Variants in DLGAP2 observed in about 807,000 individuals in gnomAD.
DLGAP2 encodes disks large-associated protein 2.
A neutral mutation model predicts 100.3 loss-of-function variants in DLGAP2; 26 were observed. That is an observed-to-expected ratio of 0.26 (90% CI 0.19 to 0.36). The LOEUF (loss-of-function observed/expected upper bound fraction) is 0.36, where lower values mean the gene tolerates loss of function less well. DLGAP2 is among the 10% of genes least tolerant of loss of function. DLGAP2 has a pLI of 1.00. For synonymous variants in DLGAP2, 886 were observed against 630.1 expected (o/e 1.41, Z -6.08); for missense variants, 1,858 against 1,453.2 (o/e 1.28, Z -4.53).
chr8:1,672,131 G>T (rs936416194), intron 10 of DLGAP2, among the ~76,000 whole-genome samples: 1 of 152,200 alleles, frequency 6.6e-6, no homozygotes, highest in East Asian at 1.9e-4. Flanking sequence ...AGGGACGGAG[G>T]CCTGGTCTAA....
chr8:964,663 C>T (rs1799803630), intron 2 of DLGAP2, among the ~76,000 whole-genome samples: 1 of 152,236 alleles, frequency 6.6e-6, no homozygotes, highest in South Asian at 2.1e-4. Context: ...AAGGCCTGGT[C>T]CTTCTTCAGG....
chr8:808,235 G>C (rs559842489), intron 1 of DLGAP2, among the ~76,000 whole-genome samples: 1 of 152,176 alleles, frequency 6.6e-6, no homozygotes, highest in Non-Finnish European at 1.5e-5. Flanking sequence ...TCAGTGATAC[G>C]TGTTGACGAT....
intron 1 of DLGAP2, among the ~76,000 whole-genome samples, chr8:784,120 T>C (rs1821775743): frequency 6.6e-6 from 1 of 152,246 alleles, no homozygotes; most frequent in Admixed American, 6.5e-5. Context: ...AAAAGTAATA[T>C]TTATCCATGA....
intron 3 of DLGAP2, among the ~76,000 whole-genome samples, chr8:1,335,067 A>C (rs1442527485): frequency 6.6e-6 from 1 of 152,238 alleles, no homozygotes; most frequent in African/African-American, 2.4e-5. Context: ...AGGGCAAACC[A>C]TAGTTCTAGG....
At chr8:1,623,937 A>G (rs1224407444) in intron 6 of DLGAP2, among the ~76,000 whole-genome samples, 2 of 152,236 alleles carry the variant, frequency 1.3e-5, no homozygotes, top group Non-Finnish European at 2.9e-5. Flanking sequence ...AAATAAAGAG[A>G]ATCATTGAGA....
At chr8:1,193,785 C>T (rs778772313) in intron 2 of DLGAP2, among the ~76,000 whole-genome samples, 9 of 152,070 alleles carry the variant, frequency 5.9e-5, no homozygotes, top group Admixed American at 2.6e-4. Flanking sequence ...CTAGAGCCTC[C>T]GCACCATGCC....
intron 1 of DLGAP2, among the ~76,000 whole-genome samples, chr8:843,572 A>T (rs772328806): frequency 6.6e-6 from 1 of 152,188 alleles, no homozygotes; most frequent in African/African-American, 2.4e-5. Flanking sequence ...GTCCTTGGAC[A>T]CGGACGCCAC....
At chr8:1,430,008 A>ATG in intron 3 of DLGAP2, among the ~76,000 whole-genome samples, 1 of 61,394 alleles carries the variant, frequency 1.6e-5, no homozygotes, top group African/African-American at 1.1e-4. Context: ...ATATATATAC[A>ATG]TATATATATA....
chr8:951,795 C>A (rs1799486370), intron 2 of DLGAP2, among the ~76,000 whole-genome samples: 1 of 152,324 alleles, frequency 6.6e-6, no homozygotes, highest in East Asian at 1.9e-4. Context: ...AGGAGAGTAA[C>A]TAATGACCTT....
rs547194358 is a variant in DLGAP2, at chr8:1,143,684, C to T, written c.74-115167C>T. ...CACCCACGCTCCCCACTATTTGGCCCACGGATGCTACACGCTGGCCACCCT... is the reference window on the plus strand; with the variant it reads ...CACCCACGCTCCCCACTATTTGGCCTACGGATGCTACACGCTGGCCACCCT... On this transcript the variant is annotated intron_variant, in intron 2 of 14. Coordinates refer to ENST00000637795, the MANE Select transcript of DLGAP2 (RefSeq NM_001346810.2). 3.9e-5 allele frequency among the ~76,000 whole-genome samples: 6 copies of T among 152,304 alleles called. No individual in the cohort carries two copies. The South Asian group carries it at 1.2e-3, about 32-fold the overall frequency.
chr8:811,411 G>T (rs976485070), intron 1 of DLGAP2, among the ~76,000 whole-genome samples: 3 of 143,356 alleles, frequency 2.1e-5, no homozygotes, highest in African/African-American at 5.2e-5. Context: ...GGCTCCTGCC[G>T]TGGTGAGAGG....
At chr8:1,185,714 C>T (rs1025993790) in intron 2 of DLGAP2, among the ~76,000 whole-genome samples, 1 of 87,172 alleles carries the variant, frequency 1.1e-5, no homozygotes, top group Non-Finnish European at 2.1e-5. Context: ...CACACTCACA[C>T]ACACACACAC....
chr8:1,417,519 C>T (rs927683599), intron 3 of DLGAP2, among the ~76,000 whole-genome samples: 28 of 152,134 alleles, frequency 1.8e-4, no homozygotes, highest in Middle Eastern at 3.2e-3. Context: ...AGGCATAGTA[C>T]ATAGCACAGG....
At chr8:1,512,517 A>G (rs1800201840) in intron 4 of DLGAP2, among the ~76,000 whole-genome samples, 1 of 151,782 alleles carries the variant, frequency 6.6e-6, no homozygotes, top group Admixed American at 6.6e-5. Flanking sequence ...AGCCCAGAAG[A>G]CCCTCGGGTT....
intron 3 of DLGAP2, among the ~76,000 whole-genome samples, chr8:1,359,762 G>C (rs1029138594): frequency 6.6e-6 from 1 of 152,244 alleles, no homozygotes; most frequent in Admixed American, 6.5e-5. Context: ...TGGAGGGAGG[G>C]CATTAGTATT....
intron 3 of DLGAP2, among the ~76,000 whole-genome samples, chr8:1,307,127 A>C (rs1422590907): frequency 6.6e-6 from 1 of 152,122 alleles, no homozygotes; most frequent in Non-Finnish European, 1.5e-5. Context: ...ATATATCAAA[A>C]TTCAAATCAT....
At chr8:1,304,988 C>G (rs1324064245) in intron 3 of DLGAP2, among the ~76,000 whole-genome samples, 5 of 152,162 alleles carry the variant, frequency 3.3e-5, no homozygotes. Context: ...ACAAATACTG[C>G]TAAGAATAAC....
intron 2 of DLGAP2, among the ~76,000 whole-genome samples, chr8:1,068,811 G>A (rs564736361): frequency 2.0e-5 from 3 of 152,132 alleles, no homozygotes; most frequent in South Asian, 2.1e-4. Context: ...GGGAGACCTC[G>A]TGGGGGCTTT....
chr8:1,311,374 C>A (rs1475790885), intron 3 of DLGAP2, among the ~76,000 whole-genome samples: 4 of 152,148 alleles, frequency 2.6e-5, no homozygotes, highest in Non-Finnish European at 5.9e-5. Flanking sequence ...AACACAAATC[C>A]ACAGACCCTT....
Sources: gnomAD v4.1 joint callset for allele counts (sites outside exome capture counted in the v4.1 genomes callset) on GRCh38, gnomAD v4.1.1 for gene constraint, MANE v1.5 for transcripts, NCBI Gene and HGNC (gene_info 2026-07-23, HGNC 2026-07-21) for gene names.